CLPSL1: variants seen among roughly 807,000 people sequenced by gnomAD.
The protein encoded by CLPSL1 is colipase like 1, also known as colipase-like protein 1.
A neutral mutation model predicts 9.3 loss-of-function variants in CLPSL1; 13 were observed. That is an observed-to-expected ratio of 1.40 (90% CI 0.91 to 2.22). CLPSL1 has a LOEUF of 2.22. CLPSL1 is among the 30% of genes most tolerant of loss of function. The probability of loss-of-function intolerance (pLI) is 0.00; values close to 1 mark genes in which losing one functional copy is unlikely to be tolerated. For synonymous variants in CLPSL1, 58 were observed against 56.9 expected, an observed-to-expected ratio of 1.02 and a Z score of -0.08; for missense variants, 164 against 146.6, an observed-to-expected ratio of 1.12 and a Z score of -0.61.
chr6:35,793,533 TG>T lies in CLPSL1; in HGVS notation c.128del (p.Ter43=). ...CCTGCCTTCGAATACGGTGAGAACG[TG>T]AAGTCATGAGCTGCTGCTAAGGCAT... is the stretch of plus-strand genomic sequence containing the variant. On this transcript the variant is annotated frameshift_variant and stop_lost, in exon 2 of 2. Transcript: ENST00000428710. LOFTEE classifies it high-confidence loss of function. The T allele has an allele frequency of 2.1e-6, 1 of 471,770 alleles. No homozygotes were observed. Among genetic ancestry groups the T allele is most frequent in the South Asian group, 1.5e-5 (1 of 64,568 alleles). The allele number at this position is 471,770 out of a possible 1,614,324, so 29.2% of individuals were successfully genotyped here.
rs1334568888 is a variant in CLPSL1 at position 35,781,781 on chromosome 6, T to A, written c.99+572T>A. On this transcript the variant is annotated intron_variant, in intron 1 of 2. Transcript: ENST00000373861. The stretch of plus-strand genomic sequence containing the variant: ...TTTTTTTTGGGACAGAGTCTTGCTT[T>A]GTCACCCAGGCTGGAGTGCAGTGGG... Among the ~76,000 whole-genome samples, 4 of 151,310 alleles carry A rather than the reference T, an allele frequency of 2.6e-5. No individual in the cohort carries two copies. The South Asian group carries it at 6.3e-4, about 24-fold the overall frequency.
downstream of CLPSL1, among the ~76,000 whole-genome samples, chr6:35,789,072 T>C (rs1274712917): frequency 6.6e-6 from 1 of 152,278 alleles, no homozygotes; most frequent in Non-Finnish European, 1.5e-5. Context: ...CTTGGTAGAA[T>C]ATGCTGTCCT....
At chr6:35,783,495 G>A (rs1421760221) in intron 1 of CLPSL1, among the ~76,000 whole-genome samples, 1 of 150,604 alleles carries the variant, frequency 6.6e-6, no homozygotes, top group Non-Finnish European at 1.5e-5. Context: ...GGGCAGTAGA[G>A]TGAGACTTTG....
At chr6:35,790,617 T>C (rs1022576938), downstream of CLPSL1, among the ~76,000 whole-genome samples, 9 of 152,278 alleles carry the variant, frequency 5.9e-5, no homozygotes, top group Non-Finnish European at 2.9e-5. Context: ...TATAGAAAAG[T>C]AATTTTTAGG....
chr6:35,786,718 A>T (rs1768079492), intron 1 of CLPSL1, among the ~76,000 whole-genome samples: 1 of 133,284 alleles, frequency 7.5e-6, no homozygotes, highest in Non-Finnish European at 1.5e-5. Flanking sequence ...TGCAAGAGAG[A>T]GACAGGAAAG....
downstream of CLPSL1, among the ~76,000 whole-genome samples, chr6:35,790,464 G>T (rs1484638822): frequency 6.6e-6 from 1 of 152,266 alleles, no homozygotes; most frequent in Non-Finnish European, 1.5e-5. Flanking sequence ...GAAGGCCTGA[G>T]AATTAAACCG....
chr6:35,785,327 G>A lies in CLPSL1; in HGVS notation c.100-1671G>A, dbSNP rs536532199. Among the ~76,000 whole-genome samples, 371 of 151,832 alleles carry A rather than the reference G, an allele frequency of 2.4e-3. 3 individuals are homozygous for A. The highest frequency in any genetic ancestry group is 4.4e-3 in the Non-Finnish European group (299 of 67,906). On this transcript the variant is annotated intron_variant, in intron 1 of 2. Coordinates refer to ENST00000373861, the MANE Select transcript of CLPSL1 (RefSeq NM_001010886.5). The stretch of plus-strand genomic sequence containing the variant: ...CAAGTAGCTGGGACTACAGGCACCC[G>A]CCACCACGCCCAGCTAATTTTTTGT...
At chr6:35,785,174 A>ATTTTTTTT (rs34500810) in intron 1 of CLPSL1, among the ~76,000 whole-genome samples, 1 of 115,716 alleles carries the variant, frequency 8.6e-6, no homozygotes, top group African/African-American at 3.4e-5. Flanking sequence ...GCCCCTGGAA[A>ATTTTTTTT]TTTTTTTTTT....
chr6:35,793,978 G>A (rs2766592), downstream of CLPSL1, among the ~76,000 whole-genome samples: 18,117 of 149,770 alleles, frequency 0.12, 473 homozygotes, highest in South Asian at 0.2. Context: ...TAAATTCCTT[G>A]CAGTTTCCAC....
downstream of CLPSL1, among the ~76,000 whole-genome samples, chr6:35,788,348 C>A (rs1768129789): frequency 6.6e-6 from 1 of 152,254 alleles, no homozygotes; most frequent in East Asian, 1.9e-4. Context: ...CCCCTTTCTG[C>A]CTTCAGCCCA....
In CLPSL1 at chr6:35,788,056, C is replaced by T. The variant is rs1327307147; in HGVS notation, c.*46C>T. 5 of 1,445,188 alleles carry T rather than the reference C, an allele frequency of 3.5e-6. No homozygotes were observed. The highest frequency in any genetic ancestry group is 1.2e-5 in the South Asian group (1 of 86,804). 89.5% of individuals were successfully genotyped at this position (1,445,188 alleles called of 1,614,324 possible). A position where few individuals can be genotyped will look rare whatever the true frequency, so the allele number is the denominator to read the frequency against. ...CTCCTCCTCCTCCACCTGCTCTCCTCCCTACCCAGAGCTCTGTGTTCACCC... is the reference window on the plus strand; with the variant it reads ...CTCCTCCTCCTCCACCTGCTCTCCTTCCTACCCAGAGCTCTGTGTTCACCC... On this transcript the variant is annotated 3_prime_UTR_variant, in exon 3 of 3. Transcript: ENST00000373861.
In CLPSL1 at chr6:35,788,029, GCCT is replaced by G. The variant is rs779746317; in HGVS notation, c.*31_*33del. 34 of 1,588,856 alleles carry G rather than the reference GCCT, an allele frequency of 2.1e-5. No homozygotes were observed. The highest frequency in any genetic ancestry group is 2.7e-5 in the African/African-American group (2 of 74,308). On this transcript the variant is annotated 3_prime_UTR_variant, in exon 3 of 3. Transcript: ENST00000373861. ...CTTCTAGTGCTCCCTCCTTCTTGCTGCCTCCTCCTCCTCCACCTGCTCTCCTCC... is the reference window on the plus strand; with the variant it reads ...CTTCTAGTGCTCCCTCCTTCTTGCTGCCTCCTCCTCCACCTGCTCTCCTCC...
downstream of CLPSL1, among the ~76,000 whole-genome samples, chr6:35,792,820 AC>A (rs1264728184): frequency 1.3e-5 from 2 of 152,292 alleles, no homozygotes; most frequent in African/African-American, 4.8e-5. Context: ...CGAATGTGGC[AC>A]CAAGAAGCGT....
downstream of CLPSL1, among the ~76,000 whole-genome samples, chr6:35,790,491 C>T (rs79235746): frequency 4.7e-3 from 722 of 152,034 alleles, no homozygotes; most frequent in African/African-American, 0.015. Context: ...GAGAAATGAC[C>T]GATTTTTATT....
At chr6:35,790,395 A>G (rs1187328143), downstream of CLPSL1, among the ~76,000 whole-genome samples, 1 of 152,266 alleles carries the variant, frequency 6.6e-6, no homozygotes, top group African/African-American at 2.4e-5. Context: ...ACATGACTAA[A>G]CTGGTTCCAA....
intron 1 of CLPSL1, 87 bp from the exon 2 acceptor site, chr6:35,786,911 G>A (rs1392462668): frequency 1.7e-5 from 25 of 1,471,710 alleles, no homozygotes; most frequent in Non-Finnish European, 2.1e-5. Flanking sequence ...GTCTGGGGAG[G>A]AGCCCCGTAG....
chr6:35,792,362 T>C (rs1447791660), downstream of CLPSL1, among the ~76,000 whole-genome samples: 4 of 152,294 alleles, frequency 2.6e-5, no homozygotes, highest in Non-Finnish European at 5.9e-5. Flanking sequence ...TCAGAATGCT[T>C]ACATTAGCTG....
intron 1 of CLPSL1, among the ~76,000 whole-genome samples, chr6:35,785,010 G>A (rs1466595283): frequency 6.6e-6 from 1 of 152,032 alleles, no homozygotes; most frequent in Non-Finnish European, 1.5e-5. Context: ...CCTACCTCCA[G>A]TGTCGTGTGC....
In CLPSL1 at chr6:35,787,935, G is replaced by GA; in HGVS notation, c.294dup (p.Trp99MetfsTer3). The stretch of plus-strand genomic sequence containing the variant: ...TGACTTGTATATATTCAAAGAATGA[G>GA]AAATGGCTTAGCATCGCCTATGGCC... On this transcript the variant is annotated frameshift_variant, in exon 3 of 3. Transcript: ENST00000373861. LOFTEE classifies it low-confidence loss of function (END_TRUNC). The GA allele has an allele frequency of 1.9e-6, 3 of 1,612,668 alleles. No individual in the cohort carries two copies. The highest frequency in any genetic ancestry group is 2.5e-6 in the Non-Finnish European group (3 of 1,178,648).
Sources: allele counts gnomAD v4.1 joint callset (sites outside exome capture counted in the v4.1 genomes callset), GRCh38; gene constraint gnomAD v4.1.1; transcripts MANE v1.5; gene names NCBI Gene and HGNC (gene_info 2026-07-23, HGNC 2026-07-21).